The following FOXP2 variants were observed in gnomAD, a reference collection of about 807,000 sequenced individuals.
FOXP2 encodes the protein forkhead box P2.
Under a neutral mutation model 115.8 loss-of-function variants are expected in FOXP2, and 12 were observed. That is an observed-to-expected ratio of 0.10 (90% CI 0.07 to 0.17). The LOEUF (loss-of-function observed/expected upper bound fraction) is 0.17, where lower values mean the gene tolerates loss of function less well. Among genes scored for constraint, FOXP2 ranks in the 10% least tolerant of loss-of-function variants. The pLI, the probability that FOXP2 is intolerant of heterozygous loss-of-function variation, is 1.00. For missense variants in FOXP2, 629 were observed against 843.5 expected, an observed-to-expected ratio of 0.75 and a Z score of 3.15; for synonymous variants, 328 against 297.7, an observed-to-expected ratio of 1.10 and a Z score of -1.05.
intron 1 of FOXP2, among the ~76,000 whole-genome samples, chr7:114,093,425 A>T (rs375025453): frequency 6.6e-6 from 1 of 152,110 alleles, no homozygotes; most frequent in Non-Finnish European, 1.5e-5. Context: ...TGTTTATTTA[A>T]CATCTTTTCC....
intron 1 of FOXP2, among the ~76,000 whole-genome samples, chr7:114,280,406 T>C (rs970697365): frequency 1.9e-4 from 29 of 152,106 alleles, no homozygotes; most frequent in Non-Finnish European, 4.3e-4. Flanking sequence ...TCCCACAGGA[T>C]ATTGGAAATA....
At chr7:114,272,671 G>C (rs1384163057) in intron 1 of FOXP2, among the ~76,000 whole-genome samples, 2 of 151,610 alleles carry the variant, frequency 1.3e-5, no homozygotes, top group African/African-American at 2.4e-5. Context: ...GAGTTGTTTG[G>C]CAGTTTGTGT....
intron 3 of FOXP2, chr7:114,570,672 G>A (rs571932048): frequency 2.9e-6 from 2 of 701,670 alleles, no homozygotes; most frequent in East Asian, 5.5e-5. Flanking sequence ...GACAATGATG[G>A]AATATTCTTC....
intron 2 of FOXP2, among the ~76,000 whole-genome samples, chr7:114,369,946 G>A (rs545217150): frequency 6.6e-6 from 1 of 152,174 alleles, no homozygotes; most frequent in South Asian, 2.1e-4. Flanking sequence ...ATTTTGATTA[G>A]ATGTTGTAAG....
At chr7:114,340,035 A>G (rs1402395804) in intron 2 of FOXP2, among the ~76,000 whole-genome samples, 1 of 151,248 alleles carries the variant, frequency 6.6e-6, no homozygotes, top group Non-Finnish European at 1.5e-5. Flanking sequence ...ATTTGACTTT[A>G]AATAGCAACT....
chr7:114,390,304 A>G (rs1208561930), intron 2 of FOXP2, among the ~76,000 whole-genome samples: 1 of 152,050 alleles, frequency 6.6e-6, no homozygotes, highest in East Asian at 1.9e-4. Flanking sequence ...AACACCACCT[A>G]CTGGGTAGTT....
intron 2 of FOXP2, among the ~76,000 whole-genome samples, chr7:114,455,777 C>T (rs1385936334): frequency 6.6e-6 from 1 of 152,130 alleles, no homozygotes; most frequent in Admixed American, 6.5e-5. Flanking sequence ...CGCTTTTTCT[C>T]TTAAAAGCTC....
chr7:114,628,024 CAT>C (rs1804690279), intron 3 of FOXP2, among the ~76,000 whole-genome samples: 1 of 151,840 alleles, frequency 6.6e-6, no homozygotes, highest in African/African-American at 2.4e-5. Context: ...AGTACTTTAT[CAT>C]GTGTATATAA....
intron 2 of FOXP2, among the ~76,000 whole-genome samples, chr7:114,356,639 G>A (rs1791623384): frequency 6.6e-6 from 1 of 152,144 alleles, no homozygotes; most frequent in East Asian, 1.9e-4. Flanking sequence ...AATACCACAT[G>A]TTCTTGAAGA....
chr7:114,667,515 A>T (rs1807233239), intron 16 of FOXP2: 1 of 152,170 alleles, frequency 6.6e-6, no homozygotes, highest in East Asian at 1.9e-4. Flanking sequence ...GAAGTTACCT[A>T]GTTATCTGAA....
At chr7:114,147,469 C>T (rs897536285) in intron 1 of FOXP2, among the ~76,000 whole-genome samples, 1 of 152,042 alleles carries the variant, frequency 6.6e-6, no homozygotes, top group Non-Finnish European at 1.5e-5. Flanking sequence ...AGACAAAGTA[C>T]CCTTGATCCT....
intron 2 of FOXP2, among the ~76,000 whole-genome samples, chr7:114,314,966 A>C (rs1271728875): frequency 6.6e-6 from 1 of 152,178 alleles, no homozygotes; most frequent in Non-Finnish European, 1.5e-5. Flanking sequence ...TTACTTCTGA[A>C]AGAAAAAAAA....
intron 2 of FOXP2, among the ~76,000 whole-genome samples, chr7:114,470,362 T>A (rs1283559867): frequency 6.6e-6 from 1 of 152,192 alleles, no homozygotes; most frequent in Non-Finnish European, 1.5e-5. Context: ...AACTAAAACA[T>A]CCCTTCTTTT....
intron 3 of FOXP2, among the ~76,000 whole-genome samples, chr7:114,579,555 A>AT (rs1036935358): frequency 4.7e-5 from 7 of 148,474 alleles, no homozygotes; most frequent in Middle Eastern, 3.2e-3. Context: ...ACCATATTCC[A>AT]TTTTTTTTTC....
At position 114,642,527 on chromosome 7, in the gene FOXP2, C is replaced by T. The variant is rs753643915; in HGVS notation, c.893C>T (p.Ser298Leu). 1.9e-6 allele frequency: 3 copies of T among 1,613,770 alleles called. No homozygotes were observed. Among genetic ancestry groups the T allele is most frequent in the South Asian group, 1.1e-5 (1 of 91,074 alleles). The change falls in exon 7 of 17, where the codon TCG (serine) becomes TTG (leucine). Residue 298 changes from serine (S) to leucine (L), a missense_variant. Ser to Leu is a moderately radical substitution (Grantham distance 145). This residue lies in a region of FOXP2 where 92 missense variants were observed against 80.1 expected (regional missense o/e 1.15). Coordinates refer to ENST00000350908, the MANE Select transcript of FOXP2 (RefSeq NM_014491.4). ...GACCTCACTACTAACAATTCCTCCT[C>T]GACTACCTCCTCCAACACTTCCAAA... The part of the protein sequence containing the change: ...GLDLTTNNSS[S>L]TTSSNTSKAS...
intron 2 of FOXP2, among the ~76,000 whole-genome samples, chr7:114,514,272 G>C (rs1341813480): frequency 6.6e-6 from 1 of 151,958 alleles, no homozygotes; most frequent in Non-Finnish European, 1.5e-5. Context: ...ATGAGAATAT[G>C]TTAAAAATCT....
intron 1 of FOXP2, among the ~76,000 whole-genome samples, chr7:114,190,788 G>A (rs1793737863): frequency 6.6e-6 from 1 of 151,904 alleles, no homozygotes; most frequent in Non-Finnish European, 1.5e-5. Flanking sequence ...AAGAAAAAAA[G>A]AAATGGATTC....
intron 2 of FOXP2, among the ~76,000 whole-genome samples, chr7:114,320,377 G>T (rs182477355): frequency 7.3e-4 from 111 of 152,258 alleles, no homozygotes; most frequent in African/African-American, 2.6e-3. Flanking sequence ...CCACCTCTGT[G>T]TTCTTAAGGT....
At chr7:114,492,353 A>G (rs543681552) in intron 2 of FOXP2, among the ~76,000 whole-genome samples, 121 of 152,130 alleles carry the variant, frequency 8.0e-4, no homozygotes, top group Non-Finnish European at 1.5e-3. Flanking sequence ...TGATCTTTTC[A>G]AAAAACCAGC....
Sources: gnomAD v4.1 joint callset for allele counts (sites outside exome capture counted in the v4.1 genomes callset) on GRCh38, gnomAD v4.1.1 for gene constraint, gnomAD v4.1.1 regional missense constraint, MANE v1.5 for transcripts, NCBI Gene and HGNC (gene_info 2026-07-23, HGNC 2026-07-21) for gene names.